C1QTNF1: variants seen among roughly 807,000 people sequenced by gnomAD.
C1QTNF1 encodes C1q and TNF related 1, also known as complement C1q tumor necrosis factor-related protein 1.
Under a neutral mutation model 27.8 loss-of-function variants are expected in C1QTNF1, and 22 were observed. That is an observed-to-expected ratio of 0.79 (90% confidence interval 0.56 to 1.13). C1QTNF1 has a LOEUF of 1.13. Ranked by LOEUF, C1QTNF1 falls within the 50% of genes most tolerant of loss-of-function variation. C1QTNF1 has a pLI of 0.00. For synonymous variants in C1QTNF1, 166 were observed against 154.3 expected, an observed-to-expected ratio of 1.08 and a Z score of -0.56; for missense variants, 373 against 380.2, an observed-to-expected ratio of 0.98 and a Z score of 0.16.
chr17:79,046,496 G>T lies in C1QTNF1; in HGVS notation c.156-59G>T, dbSNP rs2072576243. 6.2e-7 allele frequency: 1 copy of T among 1,607,584 alleles called. No individual in the cohort carries two copies. The highest frequency in any genetic ancestry group is 1.1e-5 in the South Asian group (1 of 90,410). On this transcript the variant is annotated intron_variant, in intron 2 of 3. Transcript: ENST00000579760. This position sits in a 1 kb window ranked among gnomAD's most constrained non-coding sequence, Gnocchi z 4.8. ...TGCCAGAACCACTGGCAGCAGGAGAGAGCAGCGTTTCCAGGCCTGAGAGTG... is the reference window on the plus strand; with the variant it reads ...TGCCAGAACCACTGGCAGCAGGAGATAGCAGCGTTTCCAGGCCTGAGAGTG...
At position 79,032,206 on chromosome 17, in the gene C1QTNF1, G is replaced by A. The variant is rs528666069; in HGVS notation, c.-15+7712G>A. ...GGGAGGGGCACCTACAGCACACCCA[G>A]GTCTGGGCAACTTCCCGGAGGAGGT... is the stretch of plus-strand genomic sequence containing the variant. On this transcript the variant is annotated intron_variant, in intron 1 of 3. Coordinates refer to ENST00000579760, the MANE Select transcript of C1QTNF1 (RefSeq NM_030968.5). 2.0e-5 allele frequency among the ~76,000 whole-genome samples: 3 copies of A among 152,302 alleles called. No individual in the cohort carries two copies. In the East Asian group the frequency reaches 5.8e-4, roughly 29 times the overall value.
intron 1 of C1QTNF1, among the ~76,000 whole-genome samples, chr17:79,025,269 G>A (rs545266319): frequency 6.6e-6 from 1 of 152,270 alleles, no homozygotes; most frequent in East Asian, 1.9e-4. Context: ...TGTTAGCCCG[G>A]GCCTCGCGGG....
intron 1 of C1QTNF1, among the ~76,000 whole-genome samples, chr17:79,038,506 C>T (rs757412294): frequency 1.9e-4 from 29 of 152,174 alleles, no homozygotes; most frequent in Non-Finnish European, 2.5e-4. Flanking sequence ...GGAAAATGGT[C>T]GCCGAATTAC....
intron 1 of C1QTNF1, among the ~76,000 whole-genome samples, chr17:79,032,607 T>A (rs969289423): frequency 1.3e-5 from 2 of 151,980 alleles, no homozygotes; most frequent in African/African-American, 4.8e-5. Context: ...ATGGATGAGA[T>A]GTGGCGGGTG....
intron 1 of C1QTNF1, among the ~76,000 whole-genome samples, chr17:79,038,460 C>T (rs2145910515): frequency 6.6e-6 from 1 of 152,252 alleles, no homozygotes; most frequent in South Asian, 2.1e-4. Flanking sequence ...GGAAGGGACG[C>T]TGAAGAGCGG....
At chr17:79,030,435 TTCTC>T (rs145745132) in intron 1 of C1QTNF1, among the ~76,000 whole-genome samples, 13,364 of 151,572 alleles carry the variant, frequency 0.088, 666 homozygotes, top group Middle Eastern at 0.13. Flanking sequence ...TTTACAAACT[TTCTC>T]TCTCTTTCTT....
In C1QTNF1 at chr17:79,044,109, G is replaced by A. The variant is rs368079795; in HGVS notation, c.141G>A (p.Pro47=). 5 of 1,610,096 alleles carry A rather than the reference G, an allele frequency of 3.1e-6. No homozygotes were observed. The East Asian group carries it at 8.9e-5, about 29-fold the overall frequency. The change falls in exon 2 of 4, where the codon CCG becomes CCA. Residue 47 remains proline (P), a synonymous_variant. Coordinates refer to ENST00000579760, the MANE Select transcript of C1QTNF1 (RefSeq NM_030968.5). ...GGACTGAGGAGCTGCCGTCGCCTCCGGACCATGCCGAGAGGTGAGGGGCCA... is the reference window on the plus strand; with the variant it reads ...GGACTGAGGAGCTGCCGTCGCCTCCAGACCATGCCGAGAGGTGAGGGGCCA... ...WEGTEELPSP[P]DHAERAEEQH...
chr17:79,033,927 G>A (rs921317172), intron 1 of C1QTNF1, among the ~76,000 whole-genome samples: 6 of 152,162 alleles, frequency 3.9e-5, no homozygotes, highest in African/African-American at 1.2e-4. Context: ...CACGAGGGTC[G>A]TGGGTGATCG....
chr17:79,037,835 C>G (rs1157313430), intron 1 of C1QTNF1, among the ~76,000 whole-genome samples: 2 of 152,004 alleles, frequency 1.3e-5, no homozygotes, highest in African/African-American at 4.8e-5. Flanking sequence ...CCATGCCTGG[C>G]TAATTTTTGT....
intron 1 of C1QTNF1, among the ~76,000 whole-genome samples, chr17:79,027,001 A>C (rs2145881328): frequency 6.6e-6 from 1 of 152,146 alleles, no homozygotes; most frequent in African/African-American, 2.4e-5. Flanking sequence ...CAAAGATGAA[A>C]AGAATTTCAT....
intron 1 of C1QTNF1, among the ~76,000 whole-genome samples, chr17:79,034,926 C>T (rs746414863): frequency 2.0e-5 from 3 of 152,130 alleles, no homozygotes; most frequent in Middle Eastern, 3.2e-3. Context: ...CCATCCACCA[C>T]GAGGTTGAGG....
intron 1 of C1QTNF1, among the ~76,000 whole-genome samples, chr17:79,025,264 G>A (rs989348034): frequency 2.0e-5 from 3 of 152,116 alleles, no homozygotes; most frequent in African/African-American, 7.2e-5. Context: ...CCCACTGTTA[G>A]CCCGGGCCTC....
At chr17:79,037,503 A>G (rs1284412101) in intron 1 of C1QTNF1, among the ~76,000 whole-genome samples, 3 of 152,102 alleles carry the variant, frequency 2.0e-5, no homozygotes, top group Admixed American at 6.5e-5. Flanking sequence ...ACTTCAAGTG[A>G]TCCACCCTCC....
Position 79,048,303 on chromosome 17 carries a change from G to C in C1QTNF1, c.*215G>C, listed in dbSNP as rs73408671. The C allele has an allele frequency of 1.8e-6, 1 of 571,154 alleles. No individual in the cohort carries two copies. The highest frequency in any genetic ancestry group is 2.8e-5 in the South Asian group (1 of 36,190). The allele number at this position is 571,154 out of a possible 1,614,324, so 35.4% of individuals were successfully genotyped here. A position where few individuals can be genotyped will look rare whatever the true frequency, so the allele number is the denominator to read the frequency against. On this transcript the variant is annotated 3_prime_UTR_variant, in exon 4 of 4. Coordinates refer to ENST00000579760, the MANE Select transcript of C1QTNF1 (RefSeq NM_030968.5). ...GAAATCACCAGGGCGGGGCACCCGC[G>C]AGAACCCTCTGGGACCTTCCGCGGC...
At chr17:79,044,194 CT>C in intron 2 of C1QTNF1, 71 bp downstream of exon 2, 2 of 1,446,510 alleles carry the variant, frequency 1.4e-6, no homozygotes, top group Non-Finnish European at 1.8e-6. Context: ...CTTGGGGCCC[CT>C]GGGGGAGCTA....
intron 1 of C1QTNF1, among the ~76,000 whole-genome samples, chr17:79,037,121 ATTTT>A (rs201856610): frequency 6.6e-6 from 1 of 151,208 alleles, no homozygotes; most frequent in Non-Finnish European, 1.5e-5. Flanking sequence ...ATGCCCAGCT[ATTTT>A]TTTGTTTTTG....
Position 79,047,690 on chromosome 17 carries a change from G to C in C1QTNF1, c.448G>C (p.Val150Leu). 4 of 1,614,122 alleles carry C rather than the reference G, an allele frequency of 2.5e-6. No homozygotes were observed. The South Asian group carries it at 4.4e-5, about 18-fold the overall frequency. ...RCKSHYAAFS[V>L]GRKKPMHSNH... is the part of the protein sequence containing the mutation. ...CAAGAGCCACTACGCCGCCTTTTCG[G>C]TGGGCCGGAAGAAGCCCATGCACAG... The change falls in exon 4 of 4, where the codon GTG (valine) becomes CTG (leucine). Residue 150 changes from valine (V) to leucine (L), a missense_variant. Transcript: ENST00000579760.
At chr17:79,024,652 C>A (rs1010079123) in intron 1 of C1QTNF1, among the ~76,000 whole-genome samples, 158 bp downstream of exon 1, 5 of 152,206 alleles carry the variant, frequency 3.3e-5, no homozygotes, top group Non-Finnish European at 7.4e-5. Flanking sequence ...CGGAAAGACC[C>A]GGGTTTTCGG....
intron 1 of C1QTNF1, chr17:79,034,526 C>G (rs1194151847): frequency 6.6e-6 from 1 of 152,270 alleles, no homozygotes; most frequent in Non-Finnish European, 1.5e-5. Flanking sequence ...TCCCACTCTT[C>G]GCTCCAGGTG....
Sources: allele counts gnomAD v4.1 joint callset (sites outside exome capture counted in the v4.1 genomes callset), GRCh38; gene constraint gnomAD v4.1.1; non-coding constraint Gnocchi (gnomAD v3.1); transcripts MANE v1.5; gene names NCBI Gene and HGNC (gene_info 2026-07-23, HGNC 2026-07-21).